RPS6KC1: variants seen among roughly 807,000 people sequenced by gnomAD.
RPS6KC1 encodes the protein inactive ribosomal protein S6 kinase delta-1.
A neutral mutation model predicts 103.8 loss-of-function variants in RPS6KC1; 54 were observed. That is an observed-to-expected ratio of 0.52 (90% CI 0.42 to 0.65). The LOEUF is 0.65. RPS6KC1 is among the 30% of genes least tolerant of loss of function. The pLI, the probability that RPS6KC1 is intolerant of heterozygous loss-of-function variation, is 0.00. For synonymous variants in RPS6KC1, 439 were observed against 438.7 expected (o/e 1.00, Z -0.01); for missense variants, 1,151 against 1,253.8 (o/e 0.92, Z 1.24).
chr1:213,687,767 A>G, the RPS6KC1 span, among the ~76,000 whole-genome samples: 6 of 152,242 alleles, frequency 3.9e-5, no homozygotes, highest in Admixed American at 6.5e-5. Context: ...TTATTTATCA[A>G]TAATCATGGG....
the RPS6KC1 span, among the ~76,000 whole-genome samples, chr1:213,794,995 C>A: frequency 6.6e-6 from 1 of 152,192 alleles, no homozygotes; most frequent in Non-Finnish European, 1.5e-5. Flanking sequence ...AGCAAGATTT[C>A]ACAATAAGGA....
the RPS6KC1 span, among the ~76,000 whole-genome samples, chr1:213,398,855 A>G: frequency 6.6e-6 from 1 of 152,096 alleles, no homozygotes; most frequent in Non-Finnish European, 1.5e-5. Context: ...AGTTACATAA[A>G]AGTCATCCCC....
chr1:213,318,241 G>A, the RPS6KC1 span, among the ~76,000 whole-genome samples: 1 of 152,182 alleles, frequency 6.6e-6, no homozygotes, highest in South Asian at 2.1e-4. Context: ...TTTATCTTAT[G>A]GATATTTACA....
the RPS6KC1 span, among the ~76,000 whole-genome samples, chr1:213,294,550 G>GGA: frequency 6.6e-5 from 10 of 152,220 alleles, no homozygotes; most frequent in East Asian, 1.9e-3. Context: ...TTAAGACTCT[G>GGA]GAGAGAGCAC....
chr1:213,111,154 G>A (rs778790565), intron 4 of RPS6KC1, among the ~76,000 whole-genome samples: 2 of 151,980 alleles, frequency 1.3e-5, no homozygotes, highest in Non-Finnish European at 2.9e-5. Flanking sequence ...TCTTTCATTT[G>A]CTTTATGCTT....
chr1:213,827,399 A>G, the RPS6KC1 span, among the ~76,000 whole-genome samples: 3 of 152,156 alleles, frequency 2.0e-5, no homozygotes, highest in Non-Finnish European at 4.4e-5. Flanking sequence ...CCACAGGAGG[A>G]ACCTCCATGC....
intron 3 of RPS6KC1, among the ~76,000 whole-genome samples, chr1:213,080,303 C>T (rs1039194879): frequency 6.6e-6 from 1 of 152,100 alleles, no homozygotes; most frequent in Non-Finnish European, 1.5e-5. Flanking sequence ...CCCTGTTTCT[C>T]TGTATTATTA....
chr1:213,108,636 A>G (rs980640038), intron 4 of RPS6KC1, among the ~76,000 whole-genome samples: 2 of 148,620 alleles, frequency 1.3e-5, no homozygotes, highest in African/African-American at 4.9e-5. Flanking sequence ...TTTTAAAATT[A>G]TTTTATTATT....
the RPS6KC1 span, among the ~76,000 whole-genome samples, chr1:213,401,245 TACTC>T: frequency 6.6e-6 from 1 of 152,158 alleles, no homozygotes; most frequent in African/African-American, 2.4e-5. Flanking sequence ...TTTTATGAAT[TACTC>T]AAACAGCCTG....
the RPS6KC1 span, among the ~76,000 whole-genome samples, chr1:213,508,765 C>T: frequency 2.0e-5 from 3 of 152,148 alleles, no homozygotes; most frequent in East Asian, 1.9e-4. Context: ...TCATGTTAAC[C>T]TGAGGTGTGT....
At chr1:213,810,868 A>G in the RPS6KC1 span, among the ~76,000 whole-genome samples, 2 of 152,226 alleles carry the variant, frequency 1.3e-5, no homozygotes, top group African/African-American at 4.8e-5. Context: ...ATCATCTCTC[A>G]TCCCAGCAAA....
At chr1:213,766,868 C>T in the RPS6KC1 span, among the ~76,000 whole-genome samples, 3 of 152,148 alleles carry the variant, frequency 2.0e-5, no homozygotes, top group Admixed American at 1.3e-4. Flanking sequence ...TTCTCTGTCA[C>T]CTCCAAGGAG....
chr1:213,174,294 T>C (rs558570639), intron 7 of RPS6KC1, among the ~76,000 whole-genome samples: 2 of 152,334 alleles, frequency 1.3e-5, no homozygotes, highest in South Asian at 4.1e-4. Context: ...ATGGGAATTA[T>C]ATAATACCAA....
chr1:213,722,647 C>T, the RPS6KC1 span, among the ~76,000 whole-genome samples: 136 of 152,222 alleles, frequency 8.9e-4, 1 homozygote, highest in African/African-American at 3.1e-3. Flanking sequence ...TGGAGGGAGA[C>T]CCAGAGTGAA....
At chr1:213,848,873 T>C in the RPS6KC1 span, among the ~76,000 whole-genome samples, 3 of 152,054 alleles carry the variant, frequency 2.0e-5, no homozygotes, top group African/African-American at 4.8e-5. Flanking sequence ...CGAGGCAAAG[T>C]TTGCATGTTC....
At chr1:213,706,930 T>G in the RPS6KC1 span, among the ~76,000 whole-genome samples, 1 of 152,244 alleles carries the variant, frequency 6.6e-6, no homozygotes, top group South Asian at 2.1e-4. Flanking sequence ...TGCCACATTT[T>G]CTTAATACTG....
chr1:213,670,462 T>C, the RPS6KC1 span, among the ~76,000 whole-genome samples: 1 of 152,222 alleles, frequency 6.6e-6, no homozygotes, highest in Non-Finnish European at 1.5e-5. Flanking sequence ...GAAAGTGTTC[T>C]CTTGAGAGTG....
At chr1:213,218,931 C>A (rs2093745910) in intron 8 of RPS6KC1, among the ~76,000 whole-genome samples, 1 of 152,172 alleles carries the variant, frequency 6.6e-6, no homozygotes, top group South Asian at 2.1e-4. Context: ...AAAACCTAGG[C>A]AATACCATTC....
At chr1:213,751,065 A>AGCATCTT in the RPS6KC1 span, among the ~76,000 whole-genome samples, 1 of 152,122 alleles carries the variant, frequency 6.6e-6, no homozygotes, top group East Asian at 1.9e-4. Context: ...GGCAGAACTG[A>AGCATCTT]GCATCTTGAA....
Sources: allele counts gnomAD v4.1 joint callset (sites outside exome capture counted in the v4.1 genomes callset), GRCh38; gene constraint gnomAD v4.1.1; transcripts MANE v1.5; gene names NCBI Gene and HGNC (gene_info 2026-07-23, HGNC 2026-07-21).